CDH18: variants seen among roughly 807,000 people sequenced by gnomAD.
CDH18 encodes the protein cadherin-18.
In CDH18, 31 loss-of-function variants were observed where a neutral mutation model predicts 67.9. The observed-to-expected ratio is 0.46, with a 90% confidence interval of 0.34 to 0.62. The LOEUF (loss-of-function observed/expected upper bound fraction) is 0.62, where lower values mean the gene tolerates loss of function less well. Ranked by LOEUF, CDH18 falls within the 20% of genes least tolerant of loss-of-function variation. CDH18 has a pLI of 0.01. For synonymous variants in CDH18, 362 were observed against 347.2 expected (o/e 1.04, Z -0.48); for missense variants, 890 against 975.5 (o/e 0.91, Z 1.17).
At chr5:20,450,130 G>A (rs999216294) in intron 1 of CDH18, among the ~76,000 whole-genome samples, 3 of 152,068 alleles carry the variant, frequency 2.0e-5, no homozygotes, top group South Asian at 2.1e-4. Context: ...CTGAGGTCAG[G>A]AGTTGGAGAC....
At chr5:20,095,924 G>A (rs1384728992) in intron 2 of CDH18, among the ~76,000 whole-genome samples, 1 of 151,940 alleles carries the variant, frequency 6.6e-6, no homozygotes, top group Non-Finnish European at 1.5e-5. Flanking sequence ...TAGCAGAAGA[G>A]AGGAAGGCTG....
chr5:19,524,570 A>G (rs886282978), intron 9 of CDH18, among the ~76,000 whole-genome samples: 3 of 152,100 alleles, frequency 2.0e-5, no homozygotes, highest in Non-Finnish European at 4.4e-5. Context: ...TTTGACTATT[A>G]CCACTACATA....
At chr5:19,938,612 C>A (rs956170638) in intron 2 of CDH18, among the ~76,000 whole-genome samples, 4 of 151,464 alleles carry the variant, frequency 2.6e-5, no homozygotes, top group African/African-American at 9.7e-5. Flanking sequence ...AATGTCATGG[C>A]TAACTTTGAC....
chr5:20,481,362 T>C (rs6888893), intron 1 of CDH18, among the ~76,000 whole-genome samples: 8,372 of 152,124 alleles, frequency 0.055, 766 homozygotes, highest in African/African-American at 0.19. Flanking sequence ...AAAAGAGAGA[T>C]AGCTGCAGAC....
At chr5:19,736,912 C>T (rs370631446) in intron 4 of CDH18, among the ~76,000 whole-genome samples, 1 of 152,148 alleles carries the variant, frequency 6.6e-6, no homozygotes, top group East Asian at 1.9e-4. Context: ...GAAAATTTCT[C>T]TATATACTAA....
chr5:20,331,528 CA>C (rs1739188126), intron 1 of CDH18: 1 of 152,054 alleles, frequency 6.6e-6, no homozygotes, highest in Non-Finnish European at 1.5e-5. Context: ...ATTGTATATT[CA>C]AAATTCTGTA....
intron 9 of CDH18, among the ~76,000 whole-genome samples, chr5:19,528,881 C>T (rs766241473): frequency 2.6e-5 from 4 of 151,816 alleles, no homozygotes; most frequent in Non-Finnish European, 2.9e-5. Flanking sequence ...TACACAAATT[C>T]TGAATCCATT....
intron 1 of CDH18, among the ~76,000 whole-genome samples, chr5:20,456,441 C>A (rs775329524): frequency 1.9e-4 from 29 of 152,052 alleles, no homozygotes; most frequent in Admixed American, 1.1e-3. Context: ...CTTTCCATGG[C>A]AGACTGTGGC....
At chr5:20,114,229 T>C (rs1409569510) in intron 2 of CDH18, among the ~76,000 whole-genome samples, 1 of 152,222 alleles carries the variant, frequency 6.6e-6, no homozygotes, top group East Asian at 1.9e-4. Context: ...TGGAAATATT[T>C]TGAAATAAAG....
chr5:20,494,857 G>C (rs1271180440), intron 1 of CDH18, among the ~76,000 whole-genome samples: 1 of 152,108 alleles, frequency 6.6e-6, no homozygotes, highest in Non-Finnish European at 1.5e-5. Flanking sequence ...GAGCAGAAGG[G>C]AAAACATGCT....
intron 3 of CDH18, among the ~76,000 whole-genome samples, chr5:19,785,888 G>C (rs2149797072): frequency 6.6e-6 from 1 of 150,738 alleles, no homozygotes; most frequent in African/African-American, 2.4e-5. Context: ...AATCTTGAAA[G>C]ACTAAAACTA....
chr5:20,198,895 C>T lies in CDH18; in HGVS notation c.-518+56549G>A, dbSNP rs56165746. Among the ~76,000 whole-genome samples the T allele has an allele frequency of 1.6e-3, 251 of 152,336 alleles. 2 individuals carry two copies. Among genetic ancestry groups the T allele is most frequent in the African/African-American group, 5.8e-3 (243 of 41,576 alleles). The stretch of plus-strand genomic sequence containing the variant: ...GGTTATTGTTTCAGAGGGTACAAGC[C>T]TCAAGCTTTGACAGCTTCCACATGG... On this transcript the variant is annotated intron_variant, in intron 2 of 14. Coordinates refer to the CDH18 transcript ENST00000507958.
chr5:19,989,250 T>C (rs778003594), upstream of CDH18, among the ~76,000 whole-genome samples: 4 of 152,306 alleles, frequency 2.6e-5, no homozygotes, highest in South Asian at 6.2e-4. Context: ...ATAAGAATTG[T>C]ACAAGACCCT....
At position 20,569,397 on chromosome 5, in the gene CDH18, C is replaced by T. The variant is rs1057019284; in HGVS notation, c.-580+6065G>A. Among the ~76,000 whole-genome samples, 27 of 152,162 alleles carry T rather than the reference C, an allele frequency of 1.8e-4. No homozygotes were observed. The East Asian group carries it at 4.1e-3, about 23-fold the overall frequency. ...CAGCACTTTGGAAGGCCACGGCGGG[C>T]GGATCATGAGGTCAAGAGTTCGAGA... On this transcript the variant is annotated intron_variant, in intron 1 of 14. Transcript: ENST00000507958.
At chr5:19,536,548 G>A (rs1012267475) in intron 9 of CDH18, among the ~76,000 whole-genome samples, 4 of 152,278 alleles carry the variant, frequency 2.6e-5, no homozygotes, top group Admixed American at 6.5e-5. Flanking sequence ...AAATGTGTAC[G>A]TATCTCTGTG....
intron 2 of CDH18, among the ~76,000 whole-genome samples, chr5:19,956,371 A>G (rs1392506221): frequency 3.3e-5 from 5 of 151,994 alleles, no homozygotes; most frequent in Non-Finnish European, 7.4e-5. Context: ...GAGGAAAATC[A>G]AAAGATAACA....
intron 1 of CDH18, among the ~76,000 whole-genome samples, chr5:20,506,281 A>G (rs925635112): frequency 1.3e-5 from 2 of 152,186 alleles, no homozygotes; most frequent in African/African-American, 2.4e-5. Context: ...GCAGAATAGA[A>G]AAAACATGTG....
intron 2 of CDH18, among the ~76,000 whole-genome samples, chr5:20,219,812 T>G (rs1741080905): frequency 1.3e-5 from 2 of 151,752 alleles, no homozygotes; most frequent in African/African-American, 4.8e-5. Flanking sequence ...AAAAACTGAA[T>G]ATAGAAGGAA....
rs146761772 is a variant in CDH18 at position 20,157,854 on chromosome 5, A to C, written c.-518+97590T>G. On this transcript the variant is annotated intron_variant, in intron 2 of 14. Transcript: ENST00000507958. ...ATGGGGTTTCACCATGTTGGCCAGG[A>C]TGGTCTCGATCTCCTGACCTTGTGA... 6.2e-3 allele frequency among the ~76,000 whole-genome samples: 937 copies of C among 151,864 alleles called. 9 individuals carry two copies. The highest frequency in any genetic ancestry group is 0.051 in the East Asian group (263 of 5,134).
Sources: allele counts gnomAD v4.1 joint callset (sites outside exome capture counted in the v4.1 genomes callset), GRCh38; gene constraint gnomAD v4.1.1; transcripts MANE v1.5; gene names NCBI Gene and HGNC (gene_info 2026-07-23, HGNC 2026-07-21).